The following SNX9 variants were observed in gnomAD, a reference collection of about 807,000 sequenced individuals.
The protein encoded by SNX9 is sorting nexin 9, also known as sorting nexin-9.
A neutral mutation model predicts 89.4 loss-of-function variants in SNX9; 44 were observed. That is an observed-to-expected ratio of 0.49 (90% confidence interval 0.39 to 0.63). The LOEUF (loss-of-function observed/expected upper bound fraction) is 0.63, where lower values mean the gene tolerates loss of function less well. Ranked by LOEUF, SNX9 falls within the 30% of genes least tolerant of loss-of-function variation. The pLI is 0.00. For synonymous variants in SNX9, 236 were observed against 247.8 expected, an observed-to-expected ratio of 0.95 and a Z score of 0.45; for missense variants, 578 against 736.1, an observed-to-expected ratio of 0.79 and a Z score of 2.49.
intron 1 of SNX9, among the ~76,000 whole-genome samples, chr6:157,860,115 A>AGAAAAAG (rs1383048286): frequency 6.6e-6 from 1 of 152,260 alleles, no homozygotes; most frequent in African/African-American, 2.4e-5. Flanking sequence ...GGTCCTGTAC[A>AGAAAAAG]GAAAAAGGAA....
intron 9 of SNX9, among the ~76,000 whole-genome samples, chr6:157,913,680 C>T (rs1481824871): frequency 3.9e-5 from 6 of 152,200 alleles, no homozygotes; most frequent in Non-Finnish European, 1.5e-5. Context: ...CTAACCATGG[C>T]AACAGCTGAT....
chr6:157,931,175 C>T (rs1462520944), intron 12 of SNX9, among the ~76,000 whole-genome samples: 3 of 152,192 alleles, frequency 2.0e-5, no homozygotes, highest in South Asian at 2.1e-4. Context: ...AGAATGAAAA[C>T]TCTAGCACAC....
At chr6:157,878,915 GC>G (rs774339270) in intron 4 of SNX9, among the ~76,000 whole-genome samples, 2 of 141,310 alleles carry the variant, frequency 1.4e-5, no homozygotes, top group Non-Finnish European at 3.1e-5. Flanking sequence ...GTATAAACAG[GC>G]TGTCCTTTGG....
chr6:157,912,136 A>G (rs1294446345), intron 9 of SNX9, among the ~76,000 whole-genome samples: 1 of 152,200 alleles, frequency 6.6e-6, no homozygotes, highest in African/African-American at 2.4e-5. Flanking sequence ...GCTTTCAATC[A>G]CAGTTTTCTC....
intron 1 of SNX9, among the ~76,000 whole-genome samples, chr6:157,835,870 C>T (rs892063652): frequency 1.3e-5 from 2 of 152,096 alleles, no homozygotes; most frequent in South Asian, 2.1e-4. Flanking sequence ...TCTTTATAGC[C>T]GTGTGAAAAC....
chr6:157,834,599 C>T lies in SNX9; in HGVS notation c.12+11153C>T, dbSNP rs562287864. 7.9e-5 allele frequency among the ~76,000 whole-genome samples: 12 copies of T among 152,134 alleles called. No homozygotes were observed. The South Asian group carries it at 1.2e-3, about 16-fold the overall frequency. On this transcript the variant is annotated intron_variant, in intron 1 of 17. Transcript: ENST00000392185. ...CAAACTCCTAGGCTCAAACGATCCT[C>T]CTGTGTCAGCCTCCCAAAGAATTGT...
At chr6:157,884,332 A>G (rs1173427699) in intron 4 of SNX9, among the ~76,000 whole-genome samples, 1 of 152,216 alleles carries the variant, frequency 6.6e-6, no homozygotes, top group African/African-American at 2.4e-5. Flanking sequence ...GAGGAAGGCA[A>G]TGGTAATTTT....
intron 1 of SNX9, among the ~76,000 whole-genome samples, chr6:157,867,067 G>A (rs534204083): frequency 3.3e-5 from 5 of 152,186 alleles, no homozygotes; most frequent in South Asian, 2.1e-4. Context: ...TCCCGCCTCA[G>A]TTTTTTCAGT....
chr6:157,908,684 G>T (rs1166851687), intron 7 of SNX9, among the ~76,000 whole-genome samples: 1 of 152,126 alleles, frequency 6.6e-6, no homozygotes, highest in Non-Finnish European at 1.5e-5. Context: ...AACCAGGTTT[G>T]GGACAGCAGA....
intron 10 of SNX9, among the ~76,000 whole-genome samples, chr6:157,924,131 AG>A (rs897144847): frequency 8.5e-5 from 13 of 152,122 alleles, no homozygotes; most frequent in Admixed American, 7.2e-4. Context: ...CCGGGGGTAA[AG>A]GTTGCAGTGA....
intron 1 of SNX9, among the ~76,000 whole-genome samples, chr6:157,839,533 T>A (rs927748631): frequency 2.0e-5 from 3 of 152,234 alleles, no homozygotes; most frequent in Non-Finnish European, 4.4e-5. Context: ...AAAATACAAA[T>A]AATTGAATGG....
intron 1 of SNX9, among the ~76,000 whole-genome samples, chr6:157,849,966 G>A (rs745857447): frequency 6.6e-6 from 1 of 152,202 alleles, no homozygotes; most frequent in Admixed American, 6.5e-5. Context: ...CAGAGTGGAT[G>A]TTACCCAGGG....
intron 17 of SNX9, among the ~76,000 whole-genome samples, chr6:157,941,621 C>A (rs997983163): frequency 1.3e-5 from 2 of 152,192 alleles, no homozygotes; most frequent in Admixed American, 1.3e-4. Context: ...CCGCTGGCGG[C>A]CTTGCTGCCT....
At chr6:157,847,438 A>T (rs769723604) in intron 1 of SNX9, among the ~76,000 whole-genome samples, 42 of 152,166 alleles carry the variant, frequency 2.8e-4, no homozygotes, top group Non-Finnish European at 5.4e-4. Flanking sequence ...AAGAAAAATG[A>T]TGAGGCTAAA....
chr6:157,904,860 G>A lies in SNX9; in HGVS notation c.621-1268G>A, dbSNP rs1284023033. On this transcript the variant is annotated intron_variant, in intron 6 of 17. Coordinates refer to ENST00000392185, the MANE Select transcript of SNX9 (RefSeq NM_016224.5). ...CTCTGGCTGCTGTAATAGGTAAATG[G>A]ATAGCGGCAGTCAGGTGTGATGAAT... is the stretch of plus-strand genomic sequence containing the variant. Among the ~76,000 whole-genome samples, 4 of 152,172 alleles carry A rather than the reference G, an allele frequency of 2.6e-5. 1 individual carries two copies.
intron 5 of SNX9, among the ~76,000 whole-genome samples, chr6:157,900,786 A>G (rs2115168798): frequency 6.6e-6 from 1 of 152,376 alleles, no homozygotes; most frequent in East Asian, 1.9e-4. Flanking sequence ...CAGTCTTTCC[A>G]TAACCTATGA....
intron 13 of SNX9, among the ~76,000 whole-genome samples, chr6:157,934,587 A>T (rs149933772): frequency 4.9e-4 from 74 of 152,364 alleles, no homozygotes; most frequent in African/African-American, 1.8e-3. Flanking sequence ...AGTTGTTTTC[A>T]CTAAACATGT....
At chr6:157,916,281 G>A (rs567981865) in intron 9 of SNX9, among the ~76,000 whole-genome samples, 32 of 152,066 alleles carry the variant, frequency 2.1e-4, no homozygotes, top group Admixed American at 3.9e-4. Context: ...TGATTCACCC[G>A]CCTCGGCCTC....
At chr6:157,929,554 A>G (rs1783766469) in intron 12 of SNX9, among the ~76,000 whole-genome samples, 1 of 152,128 alleles carries the variant, frequency 6.6e-6, no homozygotes, top group African/African-American at 2.4e-5. Context: ...TATCACTAAG[A>G]ATTTTCTGGC....
Sources: allele counts gnomAD v4.1 joint callset (sites outside exome capture counted in the v4.1 genomes callset), GRCh38; gene constraint gnomAD v4.1.1; transcripts MANE v1.5; gene names NCBI Gene and HGNC (gene_info 2026-07-23, HGNC 2026-07-21).